The following WNK2 variants were observed in gnomAD, a reference collection of about 807,000 sequenced individuals.
WNK2 encodes serine/threonine-protein kinase WNK2.
In WNK2, 67 loss-of-function variants were observed where a neutral mutation model predicts 192.1. The ratio of observed to expected loss-of-function variants is 0.35; its 90% confidence interval spans 0.29 to 0.43. WNK2 has a LOEUF of 0.43. WNK2 is among the 20% of genes least tolerant of loss of function. The probability of loss-of-function intolerance (pLI) is 1.00; values close to 1 mark genes in which losing one functional copy is unlikely to be tolerated. For synonymous variants in WNK2, 1,439 were observed against 1,393.9 expected, an observed-to-expected ratio of 1.03 and a Z score of -0.72; for missense variants, 2,698 against 3,089.7, an observed-to-expected ratio of 0.87 and a Z score of 3.01.
Position 93,185,743 on chromosome 9 carries a change from G to C in WNK2, c.681+133G>C, listed in dbSNP as rs545392378. ...CGGGGCTCCATGTGTGTCACCCTCT[G>C]TGTGGATGGCTGGCAGGATGCATAC... On this transcript the variant is annotated intron_variant, in intron 2 of 29. Transcript: ENST00000427277. The C allele has an allele frequency of 8.2e-5, 88 of 1,067,288 alleles. No individual in the cohort carries two copies. In the Admixed American group the frequency reaches 1.7e-3, roughly 21 times the overall value. The allele number at this position is 1,067,288 out of a possible 1,614,324, so 66.1% of individuals were successfully genotyped here. A position where few individuals can be genotyped will look rare whatever the true frequency, so the allele number is the denominator to read the frequency against.
intron 2 of WNK2, among the ~76,000 whole-genome samples, chr9:93,192,781 T>G (rs1830565999): frequency 6.6e-6 from 1 of 152,088 alleles, no homozygotes. Flanking sequence ...GTTACCCTTC[T>G]TCCCACCCCT....
At chr9:93,237,380 C>G (rs1460393348) in intron 5 of WNK2, among the ~76,000 whole-genome samples, 6 of 152,214 alleles carry the variant, frequency 3.9e-5, no homozygotes, top group Non-Finnish European at 7.3e-5. Flanking sequence ...CCATCTTTCT[C>G]TGCTGCATCA....
At chr9:93,271,935 G>A (rs180865691) in intron 19 of WNK2, among the ~76,000 whole-genome samples, 4 of 152,204 alleles carry the variant, frequency 2.6e-5, no homozygotes, top group African/African-American at 9.7e-5. Flanking sequence ...TAGATTTCTC[G>A]CCAGAAAGTG....
Position 93,235,204 on chromosome 9 carries a change from G to A in WNK2, c.1233+239G>A, listed in dbSNP as rs140811654. ...AAGGGATGGTGGTGCATGGGGTGCTGTGGGCAGTGCTTACCCATGGAGGCT... is the reference window on the plus strand; with the variant it reads ...AAGGGATGGTGGTGCATGGGGTGCTATGGGCAGTGCTTACCCATGGAGGCT... On this transcript the variant is annotated intron_variant, in intron 5 of 29. Coordinates refer to ENST00000427277, the MANE Select transcript of WNK2 (RefSeq NM_006648.4). Among the ~76,000 whole-genome samples the A allele has an allele frequency of 9.4e-4, 143 of 152,302 alleles. 1 individual carries two copies. The highest frequency in any genetic ancestry group is 3.4e-3 in the Middle Eastern group (1 of 294).
intron 29 of WNK2, chr9:93,318,853 T>C: frequency 7.1e-7 from 1 of 1,400,084 alleles, no homozygotes; most frequent in African/African-American, 1.4e-5. Context: ...CCCAGCCTCC[T>C]CCACCTCCCA....
intron 2 of WNK2, among the ~76,000 whole-genome samples, chr9:93,202,196 G>A (rs2131279252): frequency 6.6e-6 from 1 of 152,286 alleles, no homozygotes; most frequent in Middle Eastern, 3.4e-3. Context: ...GCCCTAGTGG[G>A]GTGGCCGCTC....
intron 19 of WNK2, among the ~76,000 whole-genome samples, chr9:93,280,987 CA>C (rs1271321440): frequency 6.6e-6 from 1 of 152,136 alleles, no homozygotes; most frequent in Non-Finnish European, 1.5e-5. Context: ...GAATGCTTGC[CA>C]TGTGACTGGA....
chr9:93,259,744 T>A lies in WNK2; in HGVS notation c.3066+130T>A. On this transcript the variant is annotated intron_variant, in intron 12 of 29. Transcript: ENST00000427277. This position sits in a 1 kb window ranked among gnomAD's most constrained non-coding sequence, Gnocchi z 4.8. ...GGGTCGCCCCTCTCAGGAAGAGATG[T>A]GTGTGAGGCTGAGGGAGGCGGGGGC... 1.2e-6 allele frequency: 1 copy of A among 865,100 alleles called. No homozygotes were observed. Among genetic ancestry groups the A allele is most frequent in the Non-Finnish European group, 1.7e-6 (1 of 582,240 alleles). 53.6% of individuals were successfully genotyped at this position (865,100 alleles called of 1,614,324 possible).
chr9:93,302,438 C>T (rs1851777882), intron 26 of WNK2, among the ~76,000 whole-genome samples: 1 of 152,126 alleles, frequency 6.6e-6, no homozygotes, highest in South Asian at 2.1e-4. Flanking sequence ...GCAGCCGGCG[C>T]AGCCAGCCCA....
Position 93,292,211 on chromosome 9 carries a change from C to A in WNK2, c.4937-97C>A, listed in dbSNP as rs530561734. ...ATTGTCCTGCCTGTCTGGAGGCACT[C>A]CCATGGGATCACTTTGGGCTGCTTC... On this transcript the variant is annotated intron_variant, in intron 21 of 29. Transcript: ENST00000427277. 2.4e-5 allele frequency: 31 copies of A among 1,286,706 alleles called. No homozygotes were observed. In the African/African-American group the frequency reaches 4.2e-4, roughly 17 times the overall value. 79.7% of individuals were successfully genotyped at this position (1,286,706 alleles called of 1,614,324 possible).
chr9:93,197,418 C>A (rs1019891878), intron 2 of WNK2, among the ~76,000 whole-genome samples: 1 of 152,228 alleles, frequency 6.6e-6, no homozygotes, highest in East Asian at 1.9e-4. Context: ...CAATTTCAAT[C>A]CAGAACAGTC....
chr9:93,279,839 CATCCTT>C (rs1461655597), intron 19 of WNK2, among the ~76,000 whole-genome samples: 2 of 152,086 alleles, frequency 1.3e-5, no homozygotes, highest in Non-Finnish European at 2.9e-5. Context: ...AACAGTTGAT[CATCCTT>C]ATACACACAC....
At chr9:93,211,163 C>G (rs1020240379) in intron 2 of WNK2, among the ~76,000 whole-genome samples, 10 of 151,360 alleles carry the variant, frequency 6.6e-5, no homozygotes, top group African/African-American at 2.4e-4. Context: ...CTCACAGATT[C>G]CCTCACTCAT....
chr9:93,281,488 A>C (rs1847730383), intron 19 of WNK2, among the ~76,000 whole-genome samples: 1 of 152,200 alleles, frequency 6.6e-6, no homozygotes, highest in African/African-American at 2.4e-5. Flanking sequence ...TAAAGAAACT[A>C]AAGTAAAATA....
In WNK2 at chr9:93,298,141, G is replaced by T. The variant is rs558832605; in HGVS notation, c.5923+74G>T. The stretch of plus-strand genomic sequence containing the variant: ...CGAGTGAGCCTGGGAGGTAGGCTCC[G>T]TGCAGGTGTGACACCCTCGGACCTG... On this transcript the variant is annotated intron_variant, in intron 24 of 29. Coordinates refer to ENST00000427277, the MANE Select transcript of WNK2 (RefSeq NM_006648.4). The T allele has an allele frequency of 1.6e-5, 23 of 1,478,206 alleles. No individual in the cohort carries two copies. In the African/African-American group the frequency reaches 2.0e-4, roughly 13 times the overall value. 91.6% of individuals were successfully genotyped at this position (1,478,206 alleles called of 1,614,324 possible).
At chr9:93,283,021 T>C (rs974173997) in intron 19 of WNK2, among the ~76,000 whole-genome samples, 4 of 152,238 alleles carry the variant, frequency 2.6e-5, no homozygotes, top group Non-Finnish European at 4.4e-5. Flanking sequence ...CATTTGATAG[T>C]TAAGCAGTGC....
intron 19 of WNK2, among the ~76,000 whole-genome samples, chr9:93,278,101 A>G (rs552709100): frequency 1.1e-3 from 165 of 152,270 alleles, no homozygotes; most frequent in Middle Eastern, 3.4e-3. Flanking sequence ...GCAAGACTGA[A>G]AAAAAGTCAC....
rs766857073 is a variant in WNK2 at position 93,185,132 on chromosome 9, C to CGCAGCCCCT, written c.209_217dup (p.Pro70_Gln72dup). 4 of 1,307,162 alleles carry CGCAGCCCCT rather than the reference C, an allele frequency of 3.1e-6. No homozygotes were observed. The South Asian group carries it at 5.7e-5, about 19-fold the overall frequency. The allele number at this position is 1,307,162 out of a possible 1,614,324, so 81.0% of individuals were successfully genotyped here. A position where few individuals can be genotyped will look rare whatever the true frequency, so the allele number is the denominator to read the frequency against. ...GCCGAGGCGCCGGGCCCGCAGCCCCCGCAGCCCCTGCAGCGCCGGGTGCTT... is the reference window on the plus strand; with the variant it reads ...GCCGAGGCGCCGGGCCCGCAGCCCCCGCAGCCCCTGCAGCCCCTGCAGCGCCGGGTGCTT... On this transcript the variant is annotated inframe_insertion, in exon 2 of 30. Coordinates refer to ENST00000427277, the MANE Select transcript of WNK2 (RefSeq NM_006648.4).
chr9:93,234,940 C>T lies in WNK2; in HGVS notation c.1208C>T (p.Ala403Val). Residue 403 changes from alanine (A) to valine (V), a missense_variant, in exon 5 of 30, where the codon GCC (alanine) becomes GTC (valine). Ala to Val is a moderately conservative substitution (Grantham distance 64). Transcript: ENST00000427277. The part of the protein sequence containing the change: ...EYPYSECQNA[A>V]QIYRKVTCGI... ...CCCTACTCGGAGTGCCAGAATGCGGCCCAGATCTACCGCAAGGTCACCTGT... is the reference window on the plus strand; with the variant it reads ...CCCTACTCGGAGTGCCAGAATGCGGTCCAGATCTACCGCAAGGTCACCTGT... 6.2e-7 allele frequency: 1 copy of T among 1,614,088 alleles called. No individual in the cohort carries two copies. Among genetic ancestry groups the T allele is most frequent in the Non-Finnish European group, 8.5e-7 (1 of 1,179,948 alleles).
Sources: gnomAD v4.1 joint callset for allele counts (sites outside exome capture counted in the v4.1 genomes callset) on GRCh38, gnomAD v4.1.1 for gene constraint, Gnocchi (gnomAD v3.1) non-coding constraint, MANE v1.5 for transcripts, NCBI Gene and HGNC (gene_info 2026-07-23, HGNC 2026-07-21) for gene names.